CDYL2: variants seen among roughly 807,000 people sequenced by gnomAD.
The protein encoded by CDYL2 is chromodomain Y like 2, also known as chromodomain Y-like protein 2.
Under a neutral mutation model 49.4 loss-of-function variants are expected in CDYL2, and 23 were observed. That is an observed-to-expected ratio of 0.47 (90% CI 0.34 to 0.66). The LOEUF (loss-of-function observed/expected upper bound fraction) is 0.66. Among genes scored for constraint, CDYL2 ranks in the 30% least tolerant of loss-of-function variants. The pLI is 0.01. For missense variants in CDYL2, 678 were observed against 656.4 expected (o/e 1.03, Z -0.36); for synonymous variants, 360 against 268.8 (o/e 1.34, Z -3.32).
At chr16:80,688,176 G>C (rs1274042380) in intron 1 of CDYL2, among the ~76,000 whole-genome samples, 1 of 152,144 alleles carries the variant, frequency 6.6e-6, no homozygotes, top group Non-Finnish European at 1.5e-5. Flanking sequence ...GTCACAGGTA[G>C]CTTTATGGGG....
At chr16:80,654,255 A>G (rs909500475) in intron 2 of CDYL2, among the ~76,000 whole-genome samples, 1 of 152,152 alleles carries the variant, frequency 6.6e-6, no homozygotes, top group Non-Finnish European at 1.5e-5. Context: ...CGGGAAGCCA[A>G]CCTGTCCCAT....
chr16:80,782,190 G>GA (rs1251956377), intron 1 of CDYL2, among the ~76,000 whole-genome samples: 1 of 151,708 alleles, frequency 6.6e-6, no homozygotes, highest in African/African-American at 2.4e-5. Context: ...AGGCTTTACA[G>GA]AAATAAAAAG....
At chr16:80,724,606 G>A (rs140716090) in intron 1 of CDYL2, among the ~76,000 whole-genome samples, 2 of 152,166 alleles carry the variant, frequency 1.3e-5, no homozygotes, top group Non-Finnish European at 2.9e-5. Flanking sequence ...ATATCAGTGT[G>A]TATTGCCTGT....
chr16:80,779,889 T>C (rs914376523), intron 1 of CDYL2, among the ~76,000 whole-genome samples: 3 of 152,204 alleles, frequency 2.0e-5, no homozygotes, highest in African/African-American at 7.2e-5. Flanking sequence ...CTGTATTTTC[T>C]ATATTTTTTA....
chr16:80,634,276 G>C (rs1300718328), intron 2 of CDYL2, among the ~76,000 whole-genome samples: 1 of 152,216 alleles, frequency 6.6e-6, no homozygotes, highest in Admixed American at 6.5e-5. Context: ...ACTGGATTAA[G>C]AAAATGTGGC....
intron 1 of CDYL2, among the ~76,000 whole-genome samples, chr16:80,750,914 G>A (rs1013938372): frequency 2.0e-5 from 3 of 152,098 alleles, no homozygotes; most frequent in Non-Finnish European, 2.9e-5. Flanking sequence ...CAGCTACTGG[G>A]GAGGCTGAGG....
At chr16:80,630,844 A>G (rs1396141600) in intron 3 of CDYL2, among the ~76,000 whole-genome samples, 1 of 152,160 alleles carries the variant, frequency 6.6e-6, no homozygotes, top group East Asian at 1.9e-4. Flanking sequence ...TCAAGAGCAC[A>G]GCACCTCCCT....
intron 2 of CDYL2, among the ~76,000 whole-genome samples, chr16:80,676,736 G>A (rs1909758180): frequency 6.6e-6 from 1 of 152,108 alleles, no homozygotes. Context: ...TCCTCTCTTT[G>A]TCTGGTTTGG....
chr16:80,597,909 G>A lies in CDYL2; in HGVS notation c.*6479C>T, dbSNP rs1905911945. 1 of 152,178 alleles carries A rather than the reference G, an allele frequency of 6.6e-6. No individual in the cohort carries two copies. Among genetic ancestry groups the A allele is most frequent in the Non-Finnish European group, 1.5e-5 (1 of 68,036 alleles). 9.4% of individuals were successfully genotyped at this position (152,178 alleles called of 1,614,324 possible). Reference sequence around the variant, plus strand: ...GGGAACACAAGCAAATGCAGACGAAGTTTCAACCTTTTTATTCAAAGCAGC... The same window carrying A: ...GGGAACACAAGCAAATGCAGACGAAATTTCAACCTTTTTATTCAAAGCAGC... On this transcript the variant is annotated 3_prime_UTR_variant, in exon 7 of 7. Coordinates refer to ENST00000570137, the MANE Select transcript of CDYL2 (RefSeq NM_152342.4).
intron 3 of CDYL2, among the ~76,000 whole-genome samples, chr16:80,629,812 C>T (rs1187693300): frequency 2.0e-5 from 3 of 152,210 alleles, no homozygotes; most frequent in Admixed American, 2.0e-4. Context: ...TTCCTCCATT[C>T]ACAAGCAAGG....
In CDYL2 at chr16:80,761,300, T is replaced by C. The variant is rs1237469790; in HGVS notation, c.24+42850A>G. ...GGGTTCCAATCTATCACTGAGGACC[T>C]GTGTGACTTTGGAAAAGTTATTTAC... On this transcript the variant is annotated intron_variant, in intron 1 of 6. Transcript: ENST00000570137. Among the ~76,000 whole-genome samples the C allele has an allele frequency of 2.0e-5, 3 of 152,346 alleles. No homozygotes were observed. The East Asian group carries it at 5.8e-4, about 29-fold the overall frequency.
chr16:80,803,742 C>T (rs982908492), intron 1 of CDYL2, among the ~76,000 whole-genome samples: 3 of 143,556 alleles, frequency 2.1e-5, no homozygotes, highest in Non-Finnish European at 3.1e-5. Flanking sequence ...GGCGCGCCCC[C>T]CCGCATTCCC....
At chr16:80,656,616 C>T (rs971343640) in intron 2 of CDYL2, among the ~76,000 whole-genome samples, 1 of 152,198 alleles carries the variant, frequency 6.6e-6, no homozygotes, top group Non-Finnish European at 1.5e-5. Flanking sequence ...CCTCCTTTAG[C>T]GTACAAAGGA....
At chr16:80,680,445 C>G (rs745953024) in intron 2 of CDYL2, among the ~76,000 whole-genome samples, 3 of 152,104 alleles carry the variant, frequency 2.0e-5, no homozygotes, top group Non-Finnish European at 4.4e-5. Context: ...AACGATGGCT[C>G]CTAGTTAGGG....
intron 1 of CDYL2, among the ~76,000 whole-genome samples, chr16:80,782,319 T>C (rs1258955156): frequency 6.6e-6 from 1 of 151,658 alleles, no homozygotes; most frequent in African/African-American, 2.4e-5. Context: ...AATAGATCTG[T>C]AACATGTAAG....
chr16:80,781,604 T>C (rs573898828), intron 1 of CDYL2, among the ~76,000 whole-genome samples: 1 of 152,314 alleles, frequency 6.6e-6, no homozygotes, highest in East Asian at 1.9e-4. Flanking sequence ...GTACACATGG[T>C]ATGTTCTCCT....
At chr16:80,611,325 G>A (rs1906584912) in intron 5 of CDYL2, among the ~76,000 whole-genome samples, 3 of 152,188 alleles carry the variant, frequency 2.0e-5, no homozygotes, top group Admixed American at 1.3e-4. Context: ...GGGGCTGGAA[G>A]GAGGGGACTC....
chr16:80,798,906 A>T (rs1187912443), intron 1 of CDYL2, among the ~76,000 whole-genome samples: 1 of 152,120 alleles, frequency 6.6e-6, no homozygotes, highest in Non-Finnish European at 1.5e-5. Context: ...ATAACAGGGG[A>T]TTAGTTATAG....
intron 1 of CDYL2, among the ~76,000 whole-genome samples, chr16:80,708,632 C>G (rs1258881159): frequency 2.0e-5 from 3 of 152,192 alleles, no homozygotes; most frequent in African/African-American, 7.2e-5. Context: ...AAGGAGAAAA[C>G]TCAACCTGTC....
Sources: allele counts gnomAD v4.1 joint callset (sites outside exome capture counted in the v4.1 genomes callset), GRCh38; gene constraint gnomAD v4.1.1; transcripts MANE v1.5; gene names NCBI Gene and HGNC (gene_info 2026-07-23, HGNC 2026-07-21).